Variants in OLFM3 observed in about 807,000 individuals in gnomAD.
The protein encoded by OLFM3 is noelin-3.
In OLFM3, 20 loss-of-function variants were observed where a neutral mutation model predicts 48.6. That is an observed-to-expected ratio of 0.41 (90% CI 0.29 to 0.60). OLFM3 has a LOEUF of 0.60. Ranked by LOEUF, OLFM3 falls within the 20% of genes least tolerant of loss-of-function variation. The pLI is 0.28. For missense variants in OLFM3, 437 were observed against 544.3 expected (o/e 0.80, Z 1.96); for synonymous variants, 222 against 198.1 (o/e 1.12, Z -1.01).
chr1:101,945,900 A>G (rs1659950830), intron 1 of OLFM3, among the ~76,000 whole-genome samples: 1 of 152,216 alleles, frequency 6.6e-6, no homozygotes. Context: ...AAATATTGTT[A>G]TTATAATGAT....
At chr1:101,894,834 G>A (rs1658138624) in intron 1 of OLFM3, among the ~76,000 whole-genome samples, 1 of 152,060 alleles carries the variant, frequency 6.6e-6, no homozygotes, top group South Asian at 2.1e-4. Context: ...TATATGGAAA[G>A]GACAGGTTCC....
chr1:101,889,901 A>G (rs1022219253), intron 1 of OLFM3, among the ~76,000 whole-genome samples: 2 of 152,034 alleles, frequency 1.3e-5, no homozygotes, highest in Admixed American at 1.3e-4. Flanking sequence ...TACTTCTCAG[A>G]AGTCGTCTTA....
At chr1:101,933,796 T>TG (rs1214732220) in intron 1 of OLFM3, among the ~76,000 whole-genome samples, 16 of 152,078 alleles carry the variant, frequency 1.1e-4, no homozygotes, top group African/African-American at 3.6e-4. Context: ...AAGAAGAGAC[T>TG]GGGGGCCTAT....
At chr1:101,831,656 A>AGAT (rs1407959656) in intron 2 of OLFM3, among the ~76,000 whole-genome samples, 1 of 152,208 alleles carries the variant, frequency 6.6e-6, no homozygotes, top group East Asian at 1.9e-4. Flanking sequence ...ATAAAGATTA[A>AGAT]GATAGATCTC....
At chr1:101,963,796 C>G (rs916471813) in intron 1 of OLFM3, among the ~76,000 whole-genome samples, 2 of 152,068 alleles carry the variant, frequency 1.3e-5, no homozygotes, top group Non-Finnish European at 2.9e-5. Context: ...ACCCCATTAT[C>G]TGTTCAAAGT....
At chr1:101,932,404 A>G (rs1004200679) in intron 1 of OLFM3, among the ~76,000 whole-genome samples, 1 of 152,200 alleles carries the variant, frequency 6.6e-6, no homozygotes, top group Non-Finnish European at 1.5e-5. Flanking sequence ...CAGGCACACT[A>G]TGAGCAGATC....
chr1:101,826,519 T>C (rs1654874318), intron 3 of OLFM3, among the ~76,000 whole-genome samples: 1 of 152,202 alleles, frequency 6.6e-6, no homozygotes, highest in Non-Finnish European at 1.5e-5. Context: ...GTTATTACTA[T>C]AAATGCATTA....
rs145734009 is a variant in OLFM3, at chr1:101,884,128, T to A, written c.70-47103A>T. 6.0e-3 allele frequency among the ~76,000 whole-genome samples: 907 copies of A among 152,090 alleles called. 8 individuals are homozygous for A. Among genetic ancestry groups the A allele is most frequent in the African/African-American group, 0.021 (876 of 41,556 alleles). On this transcript the variant is annotated intron_variant, in intron 1 of 5. Coordinates refer to ENST00000370103, the MANE Select transcript of OLFM3 (RefSeq NM_058170.4). The stretch of plus-strand genomic sequence containing the variant: ...TTTCCAGCCCCTTCTATGGACTTTC[T>A]GGAGCCCCAGACCTCTCCCAACATC...
At chr1:101,966,628 T>C (rs770136179) in intron 1 of OLFM3, among the ~76,000 whole-genome samples, 1 of 152,120 alleles carries the variant, frequency 6.6e-6, no homozygotes, top group Non-Finnish European at 1.5e-5. Context: ...GCTGATCTAG[T>C]GTTAGGAAAA....
intron 1 of OLFM3, among the ~76,000 whole-genome samples, chr1:101,918,486 C>T (rs989288733): frequency 1.3e-5 from 2 of 151,808 alleles, no homozygotes; most frequent in South Asian, 2.1e-4. Flanking sequence ...TGGCTCCCTT[C>T]CATCTTCAAA....
chr1:101,818,097 A>G (rs971847761), intron 4 of OLFM3, among the ~76,000 whole-genome samples: 2 of 151,856 alleles, frequency 1.3e-5, no homozygotes, highest in African/African-American at 4.8e-5. Flanking sequence ...TATTTTTGAA[A>G]CTCCCTTGAC....
intron 1 of OLFM3, among the ~76,000 whole-genome samples, chr1:101,967,590 GAAAAAAAAAAAAA>G (rs71592233): frequency 4.5e-5 from 2 of 44,572 alleles, no homozygotes; most frequent in African/African-American, 1.1e-4. Flanking sequence ...CCTAGTCAGT[GAAAAAAAAAAAAA>G]AAAAAAAAAA....
At chr1:101,826,977 C>T (rs1290912010) in intron 3 of OLFM3, among the ~76,000 whole-genome samples, 2 of 152,116 alleles carry the variant, frequency 1.3e-5, no homozygotes, top group Non-Finnish European at 2.9e-5. Flanking sequence ...ATTTTTTAAT[C>T]TTTTCAACAA....
intron 1 of OLFM3, among the ~76,000 whole-genome samples, chr1:101,951,504 A>ATTAC (rs1281594325): frequency 1.8e-4 from 28 of 152,154 alleles, no homozygotes; most frequent in African/African-American, 6.8e-4. Context: ...AGATGTTGGC[A>ATTAC]GGGGTTCCTG....
At chr1:101,904,238 A>G (rs1449205014) in intron 1 of OLFM3, among the ~76,000 whole-genome samples, 1 of 152,106 alleles carries the variant, frequency 6.6e-6, no homozygotes, top group East Asian at 1.9e-4. Context: ...GTTAAAAGAA[A>G]ATGTTCTTGA....
At chr1:101,970,988 C>G (rs1275398686) in intron 1 of OLFM3, among the ~76,000 whole-genome samples, 5 of 152,158 alleles carry the variant, frequency 3.3e-5, no homozygotes, top group East Asian at 1.9e-4. Context: ...GTACAGCCAG[C>G]TTTTGAAAGC....
chr1:101,896,004 T>TAATAATAA (rs1553178073), intron 1 of OLFM3, among the ~76,000 whole-genome samples: 16 of 137,930 alleles, frequency 1.2e-4, no homozygotes, highest in African/African-American at 4.0e-4. Flanking sequence ...ATAATAATAA[T>TAATAATAA]AAAAGTATGC....
At chr1:101,844,725 TTTA>T (rs1478771463) in intron 1 of OLFM3, among the ~76,000 whole-genome samples, 1 of 152,182 alleles carries the variant, frequency 6.6e-6, no homozygotes, top group African/African-American at 2.4e-5. Context: ...CTCCCAATCA[TTTA>T]TTATCTGACT....
intron 1 of OLFM3, among the ~76,000 whole-genome samples, chr1:101,885,347 T>C (rs1657706506): frequency 6.6e-6 from 1 of 152,040 alleles, no homozygotes; most frequent in Non-Finnish European, 1.5e-5. Flanking sequence ...TTCCTTTGCT[T>C]TTTATGACAT....
Sources: allele counts gnomAD v4.1 joint callset (sites outside exome capture counted in the v4.1 genomes callset), GRCh38; gene constraint gnomAD v4.1.1; transcripts MANE v1.5; gene names NCBI Gene and HGNC (gene_info 2026-07-23, HGNC 2026-07-21).